Variants in LRRC4B observed in about 807,000 individuals in gnomAD.
The protein encoded by LRRC4B is leucine rich repeat containing 4B, also known as leucine-rich repeat-containing protein 4B.
A neutral mutation model predicts 7.3 loss-of-function variants in LRRC4B; 1 was observed. The ratio of observed to expected loss-of-function variants is 0.14; its 90% CI spans 0.05 to 0.65. The LOEUF is 0.65. Ranked by LOEUF, LRRC4B falls within the 30% of genes least tolerant of loss-of-function variation. LRRC4B has a pLI of 0.84. For synonymous variants in LRRC4B, 500 were observed against 499.2 expected (o/e 1.00, Z -0.02); for missense variants, 730 against 1,041.6 (o/e 0.70, Z 4.12).
In LRRC4B at chr19:50,556,003, A is replaced by G. The variant is rs532450841; in HGVS notation, c.-35-7130T>C. On this transcript the variant is annotated intron_variant, in intron 1 of 2. Transcript: ENST00000652263. The surrounding 1 kb of genome is among the most constrained non-coding windows in gnomAD (Gnocchi z 4.2). ...ATGGGAGAGACCCGGGTTCTGGGGG[A>G]GGGGACAGGCAGCGCTGGCGTTCTG... Among the ~76,000 whole-genome samples, 6 of 152,036 alleles carry G rather than the reference A, an allele frequency of 3.9e-5. No homozygotes were observed. In the East Asian group the frequency reaches 7.8e-4, roughly 20 times the overall value.
chr19:50,528,576 C>T (rs1358416194), intron 2 of LRRC4B, among the ~76,000 whole-genome samples: 3 of 152,132 alleles, frequency 2.0e-5, no homozygotes, highest in East Asian at 1.9e-4. Flanking sequence ...AACTCCTGAC[C>T]TCAAGTGATC....
At chr19:50,552,645 C>CATCCATCT (rs1568733964) in intron 1 of LRRC4B, among the ~76,000 whole-genome samples, 1 of 101,096 alleles carries the variant, frequency 9.9e-6, no homozygotes, top group African/African-American at 3.9e-5. Flanking sequence ...TCCGCCCATC[C>CATCCATCT]GTCCATCCAT....
intron 1 of LRRC4B, chr19:50,557,915 C>G (rs916375485): frequency 2.0e-5 from 3 of 152,098 alleles, no homozygotes; most frequent in African/African-American, 7.2e-5. Context: ...GAGCCCGTTA[C>G]GATGATACAC....
At chr19:50,558,731 C>T (rs1334199761) in intron 1 of LRRC4B, among the ~76,000 whole-genome samples, 3 of 152,256 alleles carry the variant, frequency 2.0e-5, no homozygotes, top group Non-Finnish European at 4.4e-5. Flanking sequence ...GCTGTGGCAG[C>T]TACTGTGTTG....
At chr19:50,520,199 C>T (rs1329628052) in intron 2 of LRRC4B, among the ~76,000 whole-genome samples, 1 of 44,006 alleles carries the variant, frequency 2.3e-5, no homozygotes, top group African/African-American at 8.4e-5. Flanking sequence ...AAGTAATACC[C>T]TGTCAAAAAA....
chr19:50,565,601 C>T (rs1246909035), intron 1 of LRRC4B, among the ~76,000 whole-genome samples: 5 of 151,748 alleles, frequency 3.3e-5, no homozygotes, highest in African/African-American at 1.2e-4. Flanking sequence ...TGCCCCGTGT[C>T]TTCCTCGCAC....
In LRRC4B at chr19:50,537,528, G is replaced by T. The variant is rs146259242; in HGVS notation, c.297+11014C>A. Among the ~76,000 whole-genome samples, 1 of 152,122 alleles carries T rather than the reference G, an allele frequency of 6.6e-6. No homozygotes were observed. The highest frequency in any genetic ancestry group is 1.5e-5 in the Non-Finnish European group (1 of 68,020). ...GCGGGTCTTGTGCCTCTCAGGACTC[G>T]CAGGCTGCTCAACAGAGATGTGGGA... On this transcript the variant is annotated intron_variant, in intron 2 of 2. Coordinates refer to ENST00000652263, the MANE Select transcript of LRRC4B (RefSeq NM_001080457.2). This position sits in a 1 kb window ranked among gnomAD's most constrained non-coding sequence, Gnocchi z 5.5.
In LRRC4B at chr19:50,542,259, C is replaced by T. The variant is rs140276037; in HGVS notation, c.297+6283G>A. Among the ~76,000 whole-genome samples the T allele has an allele frequency of 7.1e-3, 1,077 of 152,202 alleles. 18 individuals carry two copies. The highest frequency in any genetic ancestry group is 0.025 in the African/African-American group (1,024 of 41,534). On this transcript the variant is annotated intron_variant, in intron 2 of 2. Transcript: ENST00000652263. ...GAGGAGTGGACAGGCTGGGCCCAGCCGAGGTGGTGCACCTTCCCCCCAGGT... is the reference window on the plus strand; with the variant it reads ...GAGGAGTGGACAGGCTGGGCCCAGCTGAGGTGGTGCACCTTCCCCCCAGGT...
chr19:50,551,644 C>T (rs1982071282), intron 1 of LRRC4B, among the ~76,000 whole-genome samples: 1 of 144,398 alleles, frequency 6.9e-6, no homozygotes, highest in Non-Finnish European at 1.5e-5. Context: ...CCCTCGGGAC[C>T]CCCAGGCCCC....
intron 1 of LRRC4B, 145 bp downstream of exon 1, chr19:50,567,799 C>G (rs1190807621): frequency 2.5e-5 from 3 of 122,190 alleles, no homozygotes; most frequent in Non-Finnish European, 5.2e-5. Flanking sequence ...CCCATTAGGC[C>G]CCGCCCCCTG....
intron 2 of LRRC4B, among the ~76,000 whole-genome samples, chr19:50,528,725 C>T (rs1302435181): frequency 1.3e-5 from 2 of 152,194 alleles, no homozygotes. Context: ...ATGAGACCTC[C>T]GTGAATGCTA....
rs1568715993 is a variant in LRRC4B at position 50,520,231 on chromosome 19, AAAAAAAAAAAAAAAAAGAAG to A, written c.298-836_298-817del. Among the ~76,000 whole-genome samples, 501 of 72,670 alleles carry A rather than the reference AAAAAAAAAAAAAAAAAGAAG, an allele frequency of 6.9e-3. 96 individuals are homozygous for A. The highest frequency in any genetic ancestry group is 0.011 in the South Asian group (17 of 1,534). 47.7% of individuals were successfully genotyped at this position (72,670 alleles called of 152,430 possible). ...AAAAAAAAAAAAAAAAAAAAAAAAA[AAAAAAAAAAAAAAAAAGAAG>A]AAAAGAAAAGAAAAATGAACAAACA... On this transcript the variant is annotated intron_variant, in intron 2 of 2. Transcript: ENST00000652263.
intron 1 of LRRC4B, among the ~76,000 whole-genome samples, chr19:50,551,943 C>T (rs373624974): frequency 4.0e-5 from 6 of 151,710 alleles, no homozygotes; most frequent in Non-Finnish European, 7.4e-5. Context: ...CCCTTCCCTG[C>T]GCCGCCTGGG....
chr19:50,549,898 G>A (rs1043929698), intron 1 of LRRC4B, among the ~76,000 whole-genome samples: 14 of 152,302 alleles, frequency 9.2e-5, no homozygotes, highest in Non-Finnish European at 1.6e-4. Flanking sequence ...CAGGGACTCT[G>A]CCTGGGTTCT....
chr19:50,562,113 G>C (rs574849207), intron 1 of LRRC4B, among the ~76,000 whole-genome samples: 1 of 61,914 alleles, frequency 1.6e-5, no homozygotes, highest in South Asian at 4.0e-4. Context: ...GTGAGACCCT[G>C]TCTCAAAAAA....
chr19:50,562,999 CAA>C (rs1982520811), intron 1 of LRRC4B, among the ~76,000 whole-genome samples: 1 of 152,088 alleles, frequency 6.6e-6, no homozygotes, highest in African/African-American at 2.4e-5. Context: ...CTCAGCCTCC[CAA>C]AGTGTTGAGA....
At chr19:50,552,571 C>T (rs1335212752) in intron 1 of LRRC4B, among the ~76,000 whole-genome samples, 29 of 142,440 alleles carry the variant, frequency 2.0e-4, no homozygotes, top group African/African-American at 5.8e-4. Flanking sequence ...CATCCGTCCA[C>T]CCATCCGTCC....
rs573370598 is a variant in LRRC4B, at chr19:50,520,022, C to T, written c.298-607G>A. Among the ~76,000 whole-genome samples, 5 of 150,120 alleles carry T rather than the reference C, an allele frequency of 3.3e-5. No individual in the cohort carries two copies. In the South Asian group the frequency reaches 8.4e-4, roughly 25 times the overall value. On this transcript the variant is annotated intron_variant, in intron 2 of 2. Coordinates refer to ENST00000652263, the MANE Select transcript of LRRC4B (RefSeq NM_001080457.2). ...TCAGACTGGGCATCAGAACATAGAC[C>T]CCATCTCTACAAAAATAAAATAAAA...
intron 2 of LRRC4B, among the ~76,000 whole-genome samples, chr19:50,542,901 G>A (rs1981612780): frequency 6.6e-6 from 1 of 152,128 alleles, no homozygotes. Flanking sequence ...TTCCCAGAGA[G>A]AGGCCAGCAC....
Sources: gnomAD v4.1 joint callset for allele counts (sites outside exome capture counted in the v4.1 genomes callset) on GRCh38, gnomAD v4.1.1 for gene constraint, Gnocchi (gnomAD v3.1) non-coding constraint, MANE v1.5 for transcripts, NCBI Gene and HGNC (gene_info 2026-07-23, HGNC 2026-07-21) for gene names.